PKP2: variants seen among roughly 807,000 people sequenced by gnomAD.
The protein encoded by PKP2 is plakophilin 2.
In PKP2, 73 loss-of-function variants were observed where a neutral mutation model predicts 83.4. That is an observed-to-expected ratio of 0.88 (90% CI 0.72 to 1.06). PKP2 has a LOEUF of 1.06. Among genes scored for constraint, PKP2 ranks in the 50% least tolerant of loss-of-function variants. The pLI is 0.00. For missense variants in PKP2, 966 were observed against 1,065.4 expected, an observed-to-expected ratio of 0.91 and a Z score of 1.30; for synonymous variants, 409 against 430.4, an observed-to-expected ratio of 0.95 and a Z score of 0.62.
intron 6 of PKP2, among the ~76,000 whole-genome samples, chr12:32,827,282 G>A (rs1027129984): frequency 2.6e-5 from 4 of 152,158 alleles, no homozygotes; most frequent in Non-Finnish European, 4.4e-5. Context: ...GGGGTTTCTG[G>A]CAGTTGATAC....
intron 6 of PKP2, among the ~76,000 whole-genome samples, chr12:32,834,843 C>A (rs867657644): frequency 6.6e-6 from 1 of 151,724 alleles, no homozygotes; most frequent in Non-Finnish European, 1.5e-5. Flanking sequence ...GATGCTACAT[C>A]CAGGGGTTTT....
At chr12:32,831,228 ATCCATACC>A in intron 6 of PKP2, among the ~76,000 whole-genome samples, 1 of 152,242 alleles carries the variant, frequency 6.6e-6, no homozygotes, top group Non-Finnish European at 1.5e-5. Context: ...ATGATGCTCA[ATCCATACC>A]TCCAAGATAG....
At chr12:32,803,645 T>G (rs1956201560) in intron 9 of PKP2, among the ~76,000 whole-genome samples, 1 of 152,242 alleles carries the variant, frequency 6.6e-6, no homozygotes, top group African/African-American at 2.4e-5. Flanking sequence ...TTCACTGAAA[T>G]GCTTGAGACC....
intron 9 of PKP2, among the ~76,000 whole-genome samples, chr12:32,818,056 CTG>C (rs1236441167): frequency 7.9e-5 from 12 of 152,156 alleles, no homozygotes; most frequent in Non-Finnish European, 1.8e-4. Context: ...CCAGCCTAGT[CTG>C]TGAAAAAACT....
chr12:32,891,031 T>G (rs1957072049), intron 1 of PKP2, among the ~76,000 whole-genome samples: 1 of 152,148 alleles, frequency 6.6e-6, no homozygotes, highest in African/African-American at 2.4e-5. Flanking sequence ...GATAGTTTGT[T>G]TAGTAGTCTT....
Position 32,877,959 on chromosome 12 carries a change from A to G in PKP2, c.921T>C (p.Ser307=), listed in dbSNP as rs941328238. 18 of 1,614,062 alleles carry G rather than the reference A, an allele frequency of 1.1e-5. No homozygotes were observed. The highest frequency in any genetic ancestry group is 1.6e-4 in the Middle Eastern group (1 of 6,084). ...TCCTCCCGCTGGAATCCACGGCGAC[A>G]CTGGGCCCAGCTTCCCTCAGCGTGC... The part of the protein sequence containing the change: ...STRTLREAGP[S]VAVDSSGRRA... The change falls in exon 3 of 13, where the codon AGT becomes AGC. Residue 307 remains serine (S), a synonymous_variant. Coordinates refer to ENST00000340811, the MANE Select transcript of PKP2 (RefSeq NM_001005242.3).
chr12:32,872,589 G>A (rs1389133130), intron 3 of PKP2, among the ~76,000 whole-genome samples: 2 of 152,146 alleles, frequency 1.3e-5, no homozygotes, highest in South Asian at 2.1e-4. Flanking sequence ...TAATCTCCCC[G>A]TAGCCAGCAT....
At chr12:32,862,682 A>G (rs1177074511) in intron 4 of PKP2, among the ~76,000 whole-genome samples, 1 of 150,056 alleles carries the variant, frequency 6.7e-6, no homozygotes, top group African/African-American at 2.5e-5. Flanking sequence ...TCTTCAGATC[A>G]TCTGGGCACG....
chr12:32,792,581 G>T, intron 12 of PKP2, 63 bp downstream of exon 12: 1 of 1,550,582 alleles, frequency 6.4e-7, no homozygotes, highest in Non-Finnish European at 8.9e-7. Flanking sequence ...CCAGGGTCAA[G>T]TCAAGTGGGC....
At chr12:32,886,970 G>A (rs1256472220) in intron 1 of PKP2, among the ~76,000 whole-genome samples, 4 of 151,830 alleles carry the variant, frequency 2.6e-5, no homozygotes, top group Non-Finnish European at 4.4e-5. Flanking sequence ...CTGCACTCCA[G>A]GCTGGGTGAC....
At chr12:32,850,533 C>T (rs1355524978) in intron 5 of PKP2, among the ~76,000 whole-genome samples, 2 of 151,320 alleles carry the variant, frequency 1.3e-5, no homozygotes, top group East Asian at 3.9e-4. Context: ...GTCACTGCAC[C>T]TCAGCCTGGG....
intron 4 of PKP2, among the ~76,000 whole-genome samples, chr12:32,852,558 C>A (rs1191102209): frequency 6.6e-6 from 1 of 152,140 alleles, no homozygotes; most frequent in Admixed American, 6.6e-5. Flanking sequence ...CATTAAGAAG[C>A]GTCAGTATAA....
chr12:32,828,011 G>C (rs1278790582), intron 6 of PKP2, among the ~76,000 whole-genome samples: 1 of 152,228 alleles, frequency 6.6e-6, no homozygotes, highest in African/African-American at 2.4e-5. Flanking sequence ...GAGTGAGGAA[G>C]GAGACAAATT....
intron 9 of PKP2, among the ~76,000 whole-genome samples, chr12:32,816,488 C>T (rs576018862): frequency 5.9e-5 from 9 of 152,274 alleles, no homozygotes; most frequent in South Asian, 4.1e-4. Flanking sequence ...CAATCCACCA[C>T]GGATGGGCAC....
chr12:32,792,382 C>T lies in PKP2; in HGVS notation c.*42G>A. The T allele has an allele frequency of 6.8e-7, 1 of 1,466,348 alleles. No homozygotes were observed. Among genetic ancestry groups the T allele is most frequent in the South Asian group, 1.1e-5 (1 of 88,088 alleles). 90.8% of individuals were successfully genotyped at this position (1,466,348 alleles called of 1,614,324 possible). A position where few individuals can be genotyped will look rare whatever the true frequency, so the allele number is the denominator to read the frequency against. ...TGGGTAGTAGAAAAATAGGTGTTTTCCTTTGGGGATTTTTGCAGCCGAGAA... is the reference window on the plus strand; with the variant it reads ...TGGGTAGTAGAAAAATAGGTGTTTTTCTTTGGGGATTTTTGCAGCCGAGAA... On this transcript the variant is annotated 3_prime_UTR_variant, in exon 13 of 13. Transcript: ENST00000340811.
At chr12:32,865,487 C>G (rs1198555072) in intron 4 of PKP2, among the ~76,000 whole-genome samples, 1 of 151,416 alleles carries the variant, frequency 6.6e-6, no homozygotes, top group Admixed American at 6.6e-5. Flanking sequence ...TCAAGACCAG[C>G]CTGGCCAACA....
chr12:32,801,391 A>G (rs1956177261), intron 10 of PKP2, among the ~76,000 whole-genome samples: 1 of 152,182 alleles, frequency 6.6e-6, no homozygotes, highest in Admixed American at 6.5e-5. Context: ...AGAGCATTTT[A>G]ATAATTCTGA....
chr12:32,821,670 G>T, intron 8 of PKP2, 141 bp from the exon 9 acceptor site: 2 of 733,258 alleles, frequency 2.7e-6, no homozygotes, highest in East Asian at 2.7e-5. Context: ...AATTTTAAAA[G>T]CAAATATATA....
Position 32,817,413 on chromosome 12 carries a change from G to A in PKP2, c.2013+3943C>T, listed in dbSNP as rs189721499. On this transcript the variant is annotated intron_variant, in intron 9 of 12. Transcript: ENST00000340811. ...GTTAGCTATTTCAATGTTATCTTTC[G>A]TCTATTAAGTCTCTTGTCCATTTAT... Among the ~76,000 whole-genome samples the A allele has an allele frequency of 4.3e-4, 65 of 152,246 alleles. 1 individual carries two copies. The East Asian group carries it at 7.9e-3, about 19-fold the overall frequency.
Sources: gnomAD v4.1 joint callset for allele counts (sites outside exome capture counted in the v4.1 genomes callset) on GRCh38, gnomAD v4.1.1 for gene constraint, MANE v1.5 for transcripts, NCBI Gene and HGNC (gene_info 2026-07-23, HGNC 2026-07-21) for gene names.